The following MAD1L1 variants were observed in gnomAD, a reference collection of about 807,000 sequenced individuals.
MAD1L1 encodes mitotic spindle assembly checkpoint protein MAD1.
MAD1L1 carries 95 observed loss-of-function variants against 96.9 expected under a neutral mutation model. That is an observed-to-expected ratio of 0.98 (90% CI 0.83 to 1.16). The LOEUF (loss-of-function observed/expected upper bound fraction) is 1.16, where lower values mean the gene tolerates loss of function less well. Among genes scored for constraint, MAD1L1 ranks in the 50% most tolerant of loss-of-function variants. MAD1L1 has a pLI of 0.00. For missense variants in MAD1L1, 1,007 were observed against 954.4 expected, an observed-to-expected ratio of 1.06 and a Z score of -0.73; for synonymous variants, 473 against 396.6, an observed-to-expected ratio of 1.19 and a Z score of -2.29.
At chr7:1,908,086 G>T (rs1228049190) in intron 17 of MAD1L1, among the ~76,000 whole-genome samples, 1 of 152,200 alleles carries the variant, frequency 6.6e-6, no homozygotes, top group Admixed American at 6.5e-5. Context: ...CGGTCCCAAC[G>T]ATGTAGCACA....
chr7:1,993,827 TC>T (rs957579555), intron 14 of MAD1L1, among the ~76,000 whole-genome samples: 18 of 152,178 alleles, frequency 1.2e-4, no homozygotes, highest in African/African-American at 3.6e-4. Flanking sequence ...AGCATCCTCC[TC>T]CCACCTGTCC....
At chr7:1,916,490 T>C (rs1299894148) in intron 17 of MAD1L1, among the ~76,000 whole-genome samples, 1 of 151,816 alleles carries the variant, frequency 6.6e-6, no homozygotes, top group African/African-American at 2.4e-5. Flanking sequence ...CTGGGCGGTA[T>C]AGAGAGAGGA....
chr7:1,913,550 C>T (rs914670302), intron 17 of MAD1L1, among the ~76,000 whole-genome samples: 1 of 151,992 alleles, frequency 6.6e-6, no homozygotes, highest in Non-Finnish European at 1.5e-5. Flanking sequence ...GCCCTGGCGT[C>T]CTGGGGGTTG....
At chr7:2,135,952 C>T (rs943533313) in intron 11 of MAD1L1, among the ~76,000 whole-genome samples, 2 of 152,220 alleles carry the variant, frequency 1.3e-5, no homozygotes, top group Non-Finnish European at 2.9e-5. Flanking sequence ...CCAACGCTCT[C>T]TAGTCCCCTA....
intron 12 of MAD1L1, among the ~76,000 whole-genome samples, chr7:2,044,493 C>T (rs1272048737): frequency 2.6e-5 from 4 of 152,186 alleles, no homozygotes; most frequent in Non-Finnish European, 4.4e-5. Flanking sequence ...TTAGAAACAG[C>T]AGCAGTGAAT....
chr7:2,033,709 T>C (rs10225174), intron 12 of MAD1L1, among the ~76,000 whole-genome samples: 29,104 of 152,236 alleles, frequency 0.19, 5,495 homozygotes, highest in African/African-American at 0.48. Flanking sequence ...GGCTGCACGC[T>C]ACACCTGCTG....
rs773479887 is a variant in MAD1L1, at chr7:1,936,897, C to T, written c.1597G>A (p.Gly533Ser). The T allele has an allele frequency of 6.3e-7, 1 of 1,587,530 alleles. No homozygotes were observed. Among genetic ancestry groups the T allele is most frequent in the East Asian group, 2.3e-5 (1 of 43,894 alleles). ...EAQLERRALQ[G>S]DYDQSRTKVL... ...TTGGTCCTGCTCTGGTCATAGTCAC[C>T]CTGCAGGAACACACACAGCACAGGT... Residue 533 changes from glycine (G) to serine (S), a missense_variant and splice_region_variant, in exon 17 of 19, where the codon GGT becomes AGT. By Grantham distance (56) the Gly-to-Ser change is moderately conservative. Transcript: ENST00000265854.
intron 18 of MAD1L1, among the ~76,000 whole-genome samples, chr7:1,826,797 C>G (rs564650538): frequency 6.6e-6 from 1 of 152,340 alleles, no homozygotes; most frequent in South Asian, 2.1e-4. Flanking sequence ...CCAATTATTC[C>G]TGCCTAATTG....
At chr7:1,874,548 A>G in intron 18 of MAD1L1, 1 of 320,190 alleles carries the variant, frequency 3.1e-6, no homozygotes, top group Non-Finnish European at 6.3e-6. Context: ...CGGCTTCCTT[A>G]AAAAAAAAAA....
intron 12 of MAD1L1, among the ~76,000 whole-genome samples, chr7:2,058,526 GC>G (rs1784482146): frequency 1.2e-5 from 1 of 83,684 alleles, no homozygotes; most frequent in Non-Finnish European, 2.6e-5. Flanking sequence ...GAGGAGAGGC[GC>G]AGGGCTGGAG....
At position 1,965,009 on chromosome 7, in the gene MAD1L1, T is replaced by A. The variant is rs182894634; in HGVS notation, c.1506-7290A>T. 1.6e-3 allele frequency among the ~76,000 whole-genome samples: 236 copies of A among 152,234 alleles called. 1 individual carries two copies. Among genetic ancestry groups the A allele is most frequent in the African/African-American group, 5.4e-3 (225 of 41,562 alleles). ...GACCCCTGCACTGCCCGCCAGCCCC[T>A]CCCCAGTGGGCCTTGACCACCACAC... On this transcript the variant is annotated intron_variant, in intron 15 of 18. Coordinates refer to ENST00000265854, the MANE Select transcript of MAD1L1 (RefSeq NM_001013836.2).
At chr7:2,040,929 T>G (rs1783645982) in intron 12 of MAD1L1, among the ~76,000 whole-genome samples, 1 of 152,250 alleles carries the variant, frequency 6.6e-6, no homozygotes, top group South Asian at 2.1e-4. Flanking sequence ...TTCTACGTGA[T>G]GTGTGCCGTC....
At chr7:2,136,374 C>A (rs10251411) in intron 11 of MAD1L1, among the ~76,000 whole-genome samples, 7,695 of 152,176 alleles carry the variant, frequency 0.051, 669 homozygotes, top group African/African-American at 0.17. Flanking sequence ...TGGGGCAAAG[C>A]GAGAGGCTCC....
At chr7:1,950,330 T>C (rs1392382667) in intron 16 of MAD1L1, among the ~76,000 whole-genome samples, 1 of 147,646 alleles carries the variant, frequency 6.8e-6, no homozygotes, top group Non-Finnish European at 1.5e-5. Flanking sequence ...GTCCGTCCAG[T>C]GGCTCTGCCG....
At chr7:2,140,337 C>A (rs73039222) in intron 11 of MAD1L1, among the ~76,000 whole-genome samples, 6,478 of 152,300 alleles carry the variant, frequency 0.043, 190 homozygotes, top group African/African-American at 0.081. Flanking sequence ...TTACACAGGA[C>A]CCTCAAAGGA....
intron 5 of MAD1L1, among the ~76,000 whole-genome samples, chr7:2,220,311 C>G (rs186381606): frequency 9.2e-5 from 14 of 152,340 alleles, no homozygotes; most frequent in Middle Eastern, 3.4e-3. Flanking sequence ...TGCCTGACAT[C>G]ATGGAACCCG....
chr7:1,854,653 C>T (rs572481616), intron 18 of MAD1L1, among the ~76,000 whole-genome samples: 12 of 152,304 alleles, frequency 7.9e-5, no homozygotes, highest in African/African-American at 2.2e-4. Flanking sequence ...TCGGTTTCCA[C>T]GTGGGAACTG....
At chr7:2,189,352 G>A (rs1204621776) in intron 10 of MAD1L1, among the ~76,000 whole-genome samples, 1 of 152,224 alleles carries the variant, frequency 6.6e-6, no homozygotes, top group East Asian at 1.9e-4. Context: ...CGTGTTCAGA[G>A]CAGCATTATT....
intron 18 of MAD1L1, among the ~76,000 whole-genome samples, chr7:1,823,553 G>T (rs534158353): frequency 6.6e-6 from 1 of 152,150 alleles, no homozygotes; most frequent in Non-Finnish European, 1.5e-5. Context: ...TGACTGCAGC[G>T]TCTTAACCCC....
Sources: gnomAD v4.1 joint callset for allele counts (sites outside exome capture counted in the v4.1 genomes callset) on GRCh38, gnomAD v4.1.1 for gene constraint, MANE v1.5 for transcripts, NCBI Gene and HGNC (gene_info 2026-07-23, HGNC 2026-07-21) for gene names.